Variants in FAAP20 observed in about 807,000 individuals in gnomAD.
The protein encoded by FAAP20 is FA core complex associated protein 20, also known as Fanconi anemia core complex-associated protein 20.
A neutral mutation model predicts 16.2 loss-of-function variants in FAAP20; 12 were observed. The observed-to-expected ratio is 0.74, with a 90% CI of 0.48 to 1.20. FAAP20 has a LOEUF of 1.20. Among genes scored for constraint, FAAP20 ranks in the 50% most tolerant of loss-of-function variants. The pLI, the probability that FAAP20 is intolerant of heterozygous loss-of-function variation, is 0.00. For synonymous variants in FAAP20, 141 were observed against 110.7 expected, an observed-to-expected ratio of 1.27 and a Z score of -1.72; for missense variants, 288 against 245.8, an observed-to-expected ratio of 1.17 and a Z score of -1.15.
downstream of FAAP20, chr1:2,185,652 G>A (rs1687478225): frequency 1.6e-6 from 1 of 635,824 alleles, no homozygotes; most frequent in South Asian, 1.9e-5. Context: ...GGGCCAGCCA[G>A]CTCACTGGAC....
downstream of FAAP20, among the ~76,000 whole-genome samples, chr1:2,211,684 T>G (rs1225850245): frequency 3.6e-5 from 4 of 111,202 alleles, no homozygotes; most frequent in Admixed American, 3.8e-4. Context: ...CTCCTGGCCT[T>G]GTGATCCGCC....
chr1:2,196,087 C>T (rs1007517728), upstream of FAAP20, among the ~76,000 whole-genome samples: 13 of 152,322 alleles, frequency 8.5e-5, no homozygotes, highest in African/African-American at 1.2e-4. This position sits in a 1 kb window ranked among gnomAD's most constrained non-coding sequence, Gnocchi z 4.5. Flanking sequence ...TGCAGCCCCA[C>T]GTCCACCACA....
rs1265099373 is a variant in FAAP20 at position 2,189,699 on chromosome 1, T to C, written c.*10A>G. 2 of 1,607,082 alleles carry C rather than the reference T, an allele frequency of 1.2e-6. No homozygotes were observed. Among genetic ancestry groups the C allele is most frequent in the South Asian group, 2.2e-5 (2 of 91,030 alleles). On this transcript the variant is annotated 3_prime_UTR_variant, in exon 4 of 4. Coordinates refer to ENST00000378546, the MANE Select transcript of FAAP20 (RefSeq NM_182533.4). ...GGCGCCGCACTCTGCGCAGGGCTCT[T>C]GGATGGCGCTCACCACGTCACGTCT...
chr1:2,200,551 C>T, upstream of FAAP20: 2 of 871,144 alleles, frequency 2.3e-6, no homozygotes, highest in East Asian at 1.2e-4. Context: ...GGCGGAGCTC[C>T]ACCCTCCCAA....
At chr1:2,199,254 C>A (rs534611340), upstream of FAAP20, 5 of 1,126,476 alleles carry the variant, frequency 4.4e-6, no homozygotes, top group African/African-American at 8.3e-5. This position sits in a 1 kb window ranked among gnomAD's most constrained non-coding sequence, Gnocchi z 4.5. Flanking sequence ...CAAGCAGTAT[C>A]CGGTTCACAC....
At chr1:2,209,624 C>T (rs564019588), downstream of FAAP20, among the ~76,000 whole-genome samples, 5 of 152,360 alleles carry the variant, frequency 3.3e-5, no homozygotes, top group African/African-American at 9.6e-5. Flanking sequence ...TGGGGCTCAG[C>T]GGGGACAGCT....
upstream of FAAP20, chr1:2,199,291 A>ACGTGT (rs1688948374): frequency 1.9e-6 from 2 of 1,059,138 alleles, no homozygotes; most frequent in African/African-American, 3.4e-5. The surrounding 1 kb of genome is among the most constrained non-coding windows in gnomAD (Gnocchi z 4.5). Context: ...CTCCATCCCC[A>ACGTGT]CGTGTCGGGC....
chr1:2,187,845 CAG>C (rs1159470469), downstream of FAAP20, among the ~76,000 whole-genome samples: 9 of 152,266 alleles, frequency 5.9e-5, no homozygotes, highest in East Asian at 1.7e-3. Context: ...AGGCACGTGA[CAG>C]TGTGGATTCA....
Position 2,193,874 on chromosome 1 carries a change from T to TGAA in FAAP20, c.232_234dup (p.Phe78dup). On this transcript the variant is annotated inframe_insertion, in exon 3 of 4. Transcript: ENST00000378546. ...CAGGAAAAGGTCTTGGGTCCGACAG[T>TGAA]GAAGACTTCAGTGGGCTCCGGGCCG... 2 of 1,612,462 alleles carry TGAA rather than the reference T, an allele frequency of 1.2e-6. No homozygotes were observed. The highest frequency in any genetic ancestry group is 3.3e-5 in the Admixed American group (2 of 59,862).
At chr1:2,187,291 T>C (rs150423790), downstream of FAAP20, 575 of 413,160 alleles carry the variant, frequency 1.4e-3, 2 homozygotes, top group African/African-American at 0.011. Context: ...TTTTCTTTTT[T>C]TTTTTCTTTT....
At chr1:2,197,436 G>A (rs1018225114), upstream of FAAP20, among the ~76,000 whole-genome samples, 2 of 152,226 alleles carry the variant, frequency 1.3e-5, no homozygotes, top group East Asian at 1.9e-4. Flanking sequence ...GGAAGCTCTC[G>A]CTGCGGGTGC....
intron 3 of FAAP20, chr1:2,192,908 T>C (rs542599272): frequency 3.2e-5 from 41 of 1,277,580 alleles, no homozygotes; most frequent in Non-Finnish European, 4.0e-5. Context: ...CCTTTTCTTT[T>C]GTTGTTGTTG....
At chr1:2,208,785 C>T (rs1315441826), downstream of FAAP20, among the ~76,000 whole-genome samples, 1 of 152,254 alleles carries the variant, frequency 6.6e-6, no homozygotes, top group Non-Finnish European at 1.5e-5. Context: ...AGAGCCCTCC[C>T]CTCAGCCAGT....
chr1:2,206,867 C>T (rs896056811), intron 1 of FAAP20, among the ~76,000 whole-genome samples: 1 of 151,154 alleles, frequency 6.6e-6, no homozygotes, highest in African/African-American at 2.4e-5. Flanking sequence ...GACCCCTGGC[C>T]CACGAGCCCC....
At chr1:2,206,920 C>A (rs1195126496) in intron 1 of FAAP20, among the ~76,000 whole-genome samples, 1 of 152,044 alleles carries the variant, frequency 6.6e-6, no homozygotes. Context: ...CCCCATGCAG[C>A]CAGCTTCTTC....
In FAAP20 at chr1:2,206,885, G is replaced by A. The variant is rs1043281983; in HGVS notation, n.179-218C>T. On this transcript the variant is annotated intron_variant and non_coding_transcript_variant, in intron 1 of 7. Coordinates refer to the FAAP20 transcript ENST00000469733. ...CCCTGGCCCACGAGCCCCAGGCCAC[G>A]GCCTCCTGCCTGGGAGGTGTGGCTC... is the stretch of plus-strand genomic sequence containing the variant. 1.6e-4 allele frequency among the ~76,000 whole-genome samples: 24 copies of A among 150,624 alleles called. 1 individual carries two copies. The highest frequency in any genetic ancestry group is 1.3e-3 in the Admixed American group (19 of 15,154).
upstream of FAAP20, chr1:2,203,579 G>C: frequency 1.0e-6 from 1 of 986,146 alleles, no homozygotes; most frequent in Non-Finnish European, 1.2e-6. Context: ...GTGGAGCTGG[G>C]GCAGGTCCCA....
chr1:2,199,533 G>T, upstream of FAAP20: 2 of 986,102 alleles, frequency 2.0e-6, no homozygotes, highest in Non-Finnish European at 2.4e-6. The surrounding 1 kb of genome is among the most constrained non-coding windows in gnomAD (Gnocchi z 4.5). Flanking sequence ...CTCTCAGAGT[G>T]CGCGGCACCA....
At chr1:2,204,928 G>T (rs1173638789) in intron 3 of FAAP20, among the ~76,000 whole-genome samples, 2 of 24,980 alleles carry the variant, frequency 8.0e-5, no homozygotes, top group African/African-American at 2.4e-4. Flanking sequence ...CCTCCCTTCG[G>T]GCCCCCCATA....
Sources: gnomAD v4.1 joint callset for allele counts (sites outside exome capture counted in the v4.1 genomes callset) on GRCh38, gnomAD v4.1.1 for gene constraint, Gnocchi (gnomAD v3.1) non-coding constraint, MANE v1.5 for transcripts, NCBI Gene and HGNC (gene_info 2026-07-23, HGNC 2026-07-21) for gene names.